The following RALYL variants were observed in gnomAD, a reference collection of about 807,000 sequenced individuals.
RALYL encodes RALY RNA binding protein like, also known as RNA-binding Raly-like protein.
Under a neutral mutation model 35.1 loss-of-function variants are expected in RALYL, and 29 were observed. The observed-to-expected ratio is 0.83, with a 90% confidence interval of 0.61 to 1.13. The LOEUF is 1.13. Among genes scored for constraint, RALYL ranks in the 50% most tolerant of loss-of-function variants. The probability of loss-of-function intolerance (pLI) is 0.00; values close to 1 mark genes in which losing one functional copy is unlikely to be tolerated. For missense variants in RALYL, 359 were observed against 360.4 expected (o/e 1.00, Z 0.03); for synonymous variants, 120 against 127.6 (o/e 0.94, Z 0.40).
At chr8:84,328,044 G>C (rs967686602) in intron 1 of RALYL, among the ~76,000 whole-genome samples, 2 of 152,160 alleles carry the variant, frequency 1.3e-5, no homozygotes, top group African/African-American at 4.8e-5. Context: ...GGCTTTGCCT[G>C]CTATTTTAAT....
chr8:84,416,001 G>A (rs999363410), intron 1 of RALYL, among the ~76,000 whole-genome samples: 68 of 152,144 alleles, frequency 4.5e-4, no homozygotes, highest in African/African-American at 1.6e-3. Context: ...AGTGACGAAG[G>A]ATCATTTAAA....
chr8:84,390,979 G>A (rs1292235451), intron 1 of RALYL, among the ~76,000 whole-genome samples: 1 of 151,974 alleles, frequency 6.6e-6, no homozygotes, highest in African/African-American at 2.4e-5. Context: ...GTTTGTTTCA[G>A]AATCTTCTCA....
At chr8:84,882,288 A>T (rs1384142202) in intron 7 of RALYL, among the ~76,000 whole-genome samples, 2 of 151,994 alleles carry the variant, frequency 1.3e-5, no homozygotes, top group Non-Finnish European at 2.9e-5. Context: ...ACACTCCAAA[A>T]GATGCCAGTG....
chr8:84,650,205 T>G (rs1330714049), intron 2 of RALYL, among the ~76,000 whole-genome samples: 1 of 152,048 alleles, frequency 6.6e-6, no homozygotes, highest in Non-Finnish European at 1.5e-5. Flanking sequence ...GTTTTCTAGA[T>G]ATACAATCAT....
At chr8:84,608,218 A>G (rs1362067997) in intron 2 of RALYL, among the ~76,000 whole-genome samples, 1 of 152,068 alleles carries the variant, frequency 6.6e-6, no homozygotes, top group Admixed American at 6.6e-5. Flanking sequence ...AAGAGTGGTG[A>G]AGGAATCCCT....
intron 4 of RALYL, among the ~76,000 whole-genome samples, chr8:84,813,110 G>T (rs2134123411): frequency 6.6e-6 from 1 of 152,274 alleles, no homozygotes; most frequent in African/African-American, 2.4e-5. Flanking sequence ...CTCTATCCCT[G>T]TATTTCACTC....
chr8:84,814,113 G>T (rs184878645), intron 4 of RALYL, among the ~76,000 whole-genome samples: 1 of 152,214 alleles, frequency 6.6e-6, no homozygotes, highest in Non-Finnish European at 1.5e-5. Context: ...GAGATTAAAA[G>T]ATTTAGATAA....
chr8:84,340,133 A>G (rs113482095), intron 1 of RALYL, among the ~76,000 whole-genome samples: 4,479 of 151,504 alleles, frequency 0.03, 115 homozygotes, highest in Non-Finnish European at 0.035. Flanking sequence ...TGATTGTGAG[A>G]CCTCCCCAGC....
At chr8:84,668,495 A>G (rs533786233) in intron 2 of RALYL, among the ~76,000 whole-genome samples, 3 of 152,242 alleles carry the variant, frequency 2.0e-5, no homozygotes, top group African/African-American at 7.2e-5. Context: ...TAGTAGATCC[A>G]GGTGGTTAGA....
Position 84,618,175 on chromosome 8 carries a change from T to A in RALYL, c.256+88598T>A, listed in dbSNP as rs191063235. On this transcript the variant is annotated intron_variant, in intron 2 of 8. Transcript: ENST00000521268. The stretch of plus-strand genomic sequence containing the variant: ...ATAGTTTCAGAAGGAATGGTACCAG[T>A]TCTTCCTTGTACCTCTGGTAGAATT... Among the ~76,000 whole-genome samples the A allele has an allele frequency of 3.5e-3, 539 of 151,982 alleles. 18 individuals carry two copies. The highest frequency in any genetic ancestry group is 0.012 in the African/African-American group (506 of 41,248).
At chr8:84,681,118 C>T (rs1835382792) in intron 2 of RALYL, among the ~76,000 whole-genome samples, 5 of 152,106 alleles carry the variant, frequency 3.3e-5, no homozygotes, top group Admixed American at 3.3e-4. Context: ...ATCCTTTCCC[C>T]ATTTCTTGAT....
chr8:84,277,521 G>T lies in RALYL; in HGVS notation c.-24+93097G>T, dbSNP rs147861312. Among the ~76,000 whole-genome samples the T allele has an allele frequency of 5.5e-3, 834 of 152,178 alleles. 11 individuals carry two copies. Among genetic ancestry groups the T allele is most frequent in the African/African-American group, 0.019 (784 of 41,510 alleles). On this transcript the variant is annotated intron_variant, in intron 1 of 8. Transcript: ENST00000521268. ...CATGCCTTCCCAACAGTCCCCCAAA[G>T]TCTTAACTCATTTCAGCATTAACTC...
intron 1 of RALYL, among the ~76,000 whole-genome samples, chr8:84,349,294 G>C (rs1421880117): frequency 6.7e-6 from 1 of 150,346 alleles, no homozygotes; most frequent in Non-Finnish European, 1.5e-5. Flanking sequence ...TCAGAAAAAT[G>C]CTATTGCACC....
chr8:84,282,489 C>A (rs1836762018), intron 1 of RALYL, among the ~76,000 whole-genome samples: 1 of 151,974 alleles, frequency 6.6e-6, no homozygotes, highest in Admixed American at 6.6e-5. Flanking sequence ...ACCTTCTGAA[C>A]TACTGGGAGT....
intron 2 of RALYL, among the ~76,000 whole-genome samples, chr8:84,649,189 A>C (rs1039611886): frequency 6.6e-6 from 1 of 151,956 alleles, no homozygotes; most frequent in Non-Finnish European, 1.5e-5. Flanking sequence ...TTAATCTTTA[A>C]CTTTCTAAAA....
intron 2 of RALYL, among the ~76,000 whole-genome samples, chr8:84,583,540 G>A (rs1026849161): frequency 6.6e-6 from 1 of 151,830 alleles, no homozygotes; most frequent in Non-Finnish European, 1.5e-5. Flanking sequence ...AGTAATTTTT[G>A]GAATGACTAA....
chr8:84,240,920 C>A (rs1037738217), intron 1 of RALYL, among the ~76,000 whole-genome samples: 2 of 152,088 alleles, frequency 1.3e-5, no homozygotes, highest in Non-Finnish European at 2.9e-5. Context: ...ACAGAGTCAG[C>A]AGACACCTAC....
intron 1 of RALYL, among the ~76,000 whole-genome samples, chr8:84,213,236 C>T (rs1819948143): frequency 6.6e-6 from 1 of 151,810 alleles, no homozygotes; most frequent in Admixed American, 6.6e-5. Context: ...ACTAAAAGTA[C>T]AAAAATTAGC....
At chr8:84,701,966 C>CT (rs147243511) in intron 2 of RALYL, among the ~76,000 whole-genome samples, 33,151 of 152,052 alleles carry the variant, frequency 0.22, 3,778 homozygotes, top group Non-Finnish European at 0.23. Context: ...AATCAGGACA[C>CT]TATGTCTCGC....
Sources: gnomAD v4.1 joint callset for allele counts (sites outside exome capture counted in the v4.1 genomes callset) on GRCh38, gnomAD v4.1.1 for gene constraint, MANE v1.5 for transcripts, NCBI Gene and HGNC (gene_info 2026-07-23, HGNC 2026-07-21) for gene names.